HSDL2: variants seen among roughly 807,000 people sequenced by gnomAD.
The protein encoded by HSDL2 is hydroxysteroid dehydrogenase like 2, also known as hydroxysteroid dehydrogenase-like protein 2.
HSDL2 carries 27 observed loss-of-function variants against 46.3 expected under a neutral mutation model. That is an observed-to-expected ratio of 0.58 (90% CI 0.43 to 0.80). The LOEUF (loss-of-function observed/expected upper bound fraction) is 0.80. Ranked by LOEUF, HSDL2 falls within the 30% of genes least tolerant of loss-of-function variation. HSDL2 has a pLI of 0.00. For missense variants in HSDL2, 451 were observed against 502.7 expected, an observed-to-expected ratio of 0.90 and a Z score of 0.98; for synonymous variants, 153 against 163.6, an observed-to-expected ratio of 0.94 and a Z score of 0.50.
At chr9:112,470,368 T>G in intron 10 of HSDL2, 64 bp from the exon 11 acceptor site, 1 of 961,590 alleles carries the variant, frequency 1.0e-6, no homozygotes, top group Admixed American at 2.1e-5. Flanking sequence ...ATGCGTGTTC[T>G]TAAAGCAATA....
chr9:112,442,032 C>T (rs1282108888), intron 8 of HSDL2, among the ~76,000 whole-genome samples: 4 of 151,486 alleles, frequency 2.6e-5, no homozygotes, highest in Admixed American at 1.3e-4. Context: ...GAGGCTGAGG[C>T]GAATGGATCA....
At chr9:112,430,510 A>G (rs914665366) in intron 6 of HSDL2, among the ~76,000 whole-genome samples, 1 of 152,156 alleles carries the variant, frequency 6.6e-6, no homozygotes, top group African/African-American at 2.4e-5. Flanking sequence ...GACCTGATCA[A>G]ACCTAAATGT....
At chr9:112,427,275 G>A (rs1587948961) in intron 6 of HSDL2, among the ~76,000 whole-genome samples, 1 of 151,886 alleles carries the variant, frequency 6.6e-6, no homozygotes, top group East Asian at 1.9e-4. Context: ...GGCTGGTCTC[G>A]GACTCCTGAC....
chr9:112,449,474 C>T (rs1394255785), intron 8 of HSDL2, among the ~76,000 whole-genome samples: 1 of 152,098 alleles, frequency 6.6e-6, no homozygotes, highest in African/African-American at 2.4e-5. Flanking sequence ...AAGCACCAGA[C>T]TTTAAATTTT....
chr9:112,465,221 T>C (rs1833341145), intron 10 of HSDL2, among the ~76,000 whole-genome samples: 2 of 152,308 alleles, frequency 1.3e-5, no homozygotes, highest in South Asian at 2.1e-4. Flanking sequence ...ATCTGCCTCC[T>C]GGGTTCCAGC....
chr9:112,407,509 TG>T (rs1831758322), intron 3 of HSDL2, among the ~76,000 whole-genome samples: 1 of 152,122 alleles, frequency 6.6e-6, no homozygotes, highest in Non-Finnish European at 1.5e-5. Context: ...TTTGGCCTCC[TG>T]GGCTCAGGTG....
intron 3 of HSDL2, among the ~76,000 whole-genome samples, chr9:112,406,734 C>T (rs1831738942): frequency 6.6e-6 from 1 of 152,212 alleles, no homozygotes; most frequent in Non-Finnish European, 1.5e-5. Flanking sequence ...TCCCAAAGTG[C>T]TGGGATTACA....
intron 6 of HSDL2, among the ~76,000 whole-genome samples, chr9:112,423,516 G>T (rs1184585759): frequency 6.6e-6 from 1 of 151,890 alleles, no homozygotes; most frequent in African/African-American, 2.4e-5. Flanking sequence ...CACCATGTTG[G>T]CCAGGCAGGT....
At chr9:112,462,640 G>A (rs1833247096) in intron 10 of HSDL2, among the ~76,000 whole-genome samples, 1 of 129,504 alleles carries the variant, frequency 7.7e-6, no homozygotes, top group South Asian at 2.5e-4. Context: ...GTGTGTGTGT[G>A]TATAAAACAT....
At chr9:112,401,420 C>T (rs920476116) in intron 1 of HSDL2, among the ~76,000 whole-genome samples, 10 of 113,486 alleles carry the variant, frequency 8.8e-5, no homozygotes, top group Non-Finnish European at 1.3e-4. Context: ...CCAGACTGGG[C>T]GACAGAGCAA....
intron 6 of HSDL2, among the ~76,000 whole-genome samples, chr9:112,423,727 G>A (rs968274937): frequency 6.7e-6 from 1 of 148,412 alleles, no homozygotes; most frequent in African/African-American, 2.5e-5. Context: ...GTTGTTGTTT[G>A]TTTTTTGAGA....
At chr9:112,417,527 A>AACTAAT in intron 5 of HSDL2, among the ~76,000 whole-genome samples, 1 of 151,986 alleles carries the variant, frequency 6.6e-6, no homozygotes, top group East Asian at 1.9e-4. Flanking sequence ...TTTCATAGCA[A>AACTAAT]ACTAATGGTT....
At chr9:112,467,234 G>T (rs1396409992) in intron 10 of HSDL2, among the ~76,000 whole-genome samples, 1 of 152,208 alleles carries the variant, frequency 6.6e-6, no homozygotes, top group Non-Finnish European at 1.5e-5. Context: ...ATAGCAGTCA[G>T]CCATAAAAAG....
intron 3 of HSDL2, among the ~76,000 whole-genome samples, chr9:112,407,003 A>G (rs1831746941): frequency 6.6e-6 from 1 of 152,200 alleles, no homozygotes; most frequent in Admixed American, 6.5e-5. Flanking sequence ...GACAATGGCC[A>G]GTGGAAAATG....
intron 1 of HSDL2, among the ~76,000 whole-genome samples, chr9:112,385,626 A>G (rs534850373): frequency 6.6e-6 from 1 of 151,582 alleles, no homozygotes; most frequent in South Asian, 2.1e-4. Context: ...AGCTGAGATT[A>G]CAGGCACCTG....
At chr9:112,387,253 T>C (rs1831237564) in intron 1 of HSDL2, among the ~76,000 whole-genome samples, 1 of 151,564 alleles carries the variant, frequency 6.6e-6, no homozygotes, top group South Asian at 2.1e-4. Flanking sequence ...AGGGTCTCAC[T>C]CTGTGGTTCA....
intron 1 of HSDL2, among the ~76,000 whole-genome samples, chr9:112,388,442 CAG>C (rs1276182897): frequency 8.1e-6 from 1 of 122,762 alleles, no homozygotes; most frequent in Non-Finnish European, 1.6e-5. Flanking sequence ...GCCTGGGAGA[CAG>C]AGCTAGACTC....
chr9:112,391,886 C>CAAAAAA (rs769571189), intron 1 of HSDL2, among the ~76,000 whole-genome samples: 1 of 55,204 alleles, frequency 1.8e-5, no homozygotes, highest in African/African-American at 6.1e-5. Context: ...AACTCTGTCT[C>CAAAAAA]AAAAAAAAAA....
At chr9:112,410,724 C>T (rs921802898) in intron 4 of HSDL2, among the ~76,000 whole-genome samples, 2 of 152,176 alleles carry the variant, frequency 1.3e-5, no homozygotes, top group African/African-American at 4.8e-5. Flanking sequence ...CCCAGGAGTT[C>T]GAAACCAGCC....
Sources: gnomAD v4.1 joint callset for allele counts (sites outside exome capture counted in the v4.1 genomes callset) on GRCh38, gnomAD v4.1.1 for gene constraint, MANE v1.5 for transcripts, NCBI Gene and HGNC (gene_info 2026-07-23, HGNC 2026-07-21) for gene names.